GSE1: variants seen among roughly 807,000 people sequenced by gnomAD.
GSE1 encodes Gse1 coiled-coil protein, also known as genetic suppressor element 1.
Under a neutral mutation model 112.6 loss-of-function variants are expected in GSE1, and 32 were observed. That is an observed-to-expected ratio of 0.28 (90% CI 0.21 to 0.38). The LOEUF (loss-of-function observed/expected upper bound fraction) is 0.38, where lower values mean the gene tolerates loss of function less well. Ranked by LOEUF, GSE1 falls within the 10% of genes least tolerant of loss-of-function variation. The probability of loss-of-function intolerance (pLI) is 1.00; values close to 1 mark genes in which losing one functional copy is unlikely to be tolerated. For missense variants in GSE1, 2,348 were observed against 1,699.2 expected (o/e 1.38, Z -6.71); for synonymous variants, 1,115 against 735.6 (o/e 1.52, Z -8.35).
intron 2 of GSE1, among the ~76,000 whole-genome samples, chr16:85,445,368 G>T (rs780557938): frequency 6.6e-6 from 1 of 152,238 alleles, no homozygotes; most frequent in Non-Finnish European, 1.5e-5. Context: ...GTGAACATGG[G>T]GGGCGGGAGA....
At position 85,663,541 on chromosome 16, in the gene GSE1, T is replaced by G; in HGVS notation, c.2571T>G (p.Ser857Arg). ...ACAGCCCTGATGAGATGAACAACAG[T>G]CCCAACTTCGAAGAAAAGAAGAAGT... The part of the protein sequence containing the change: ...TRYSPDEMNN[S>R]PNFEEKKKFL... The change falls in exon 11 of 16, where the codon AGT becomes AGG. Residue 857 changes from serine to arginine, a missense_variant. Transcript: ENST00000253458. 6.2e-7 allele frequency: 1 copy of G among 1,612,654 alleles called. No homozygotes were observed. Among genetic ancestry groups the G allele is most frequent in the Non-Finnish European group, 8.5e-7 (1 of 1,179,814 alleles).
chr16:85,607,844 G>A (rs931934710), upstream of GSE1, among the ~76,000 whole-genome samples: 4 of 152,214 alleles, frequency 2.6e-5, no homozygotes, highest in African/African-American at 9.6e-5. Context: ...TTCCCTTGAG[G>A]CCCCCACTGC....
intron 7 of GSE1, 45 bp downstream of exon 7, chr16:85,656,710 C>A: frequency 3.4e-6 from 5 of 1,449,984 alleles, no homozygotes; most frequent in Non-Finnish European, 4.5e-6. Flanking sequence ...TCTCAGCCAC[C>A]CGCGGGGAGG....
At chr16:85,357,024 G>A (rs2046963998) in intron 1 of GSE1, among the ~76,000 whole-genome samples, 2 of 152,136 alleles carry the variant, frequency 1.3e-5, no homozygotes, top group African/African-American at 4.8e-5. Flanking sequence ...AGGCCCCAGG[G>A]GATCTCTGGG....
chr16:85,503,406 C>T (rs2051434951), intron 2 of GSE1, among the ~76,000 whole-genome samples: 1 of 152,200 alleles, frequency 6.6e-6, no homozygotes, highest in African/African-American at 2.4e-5. Context: ...CTCCTCCTCA[C>T]AAATCATGAC....
chr16:85,374,268 G>A (rs535711184), intron 2 of GSE1, among the ~76,000 whole-genome samples: 1 of 151,700 alleles, frequency 6.6e-6, no homozygotes. Context: ...TCGGTGTGCA[G>A]TGTGTGTCAG....
In GSE1 at chr16:85,268,201, ACT is replaced by A. The variant is rs575285563; in HGVS notation, c.2284-89257_2284-89256del. ...CCAGGGAAGGGGCCACAGCTCGTCT[ACT>A]CTCTGAGGCCCTGGTACTGGCACAA... On this transcript the variant is annotated intron_variant, in intron 1 of 2. Coordinates refer to the GSE1 transcript ENST00000637419. Among the ~76,000 whole-genome samples the A allele has an allele frequency of 8.0e-5, 12 of 150,708 alleles. No individual in the cohort carries two copies. The South Asian group carries it at 2.5e-3, about 32-fold the overall frequency.
chr16:85,292,926 T>C (rs1443041834), intron 1 of GSE1, among the ~76,000 whole-genome samples: 1 of 152,178 alleles, frequency 6.6e-6, no homozygotes, highest in Non-Finnish European at 1.5e-5. Flanking sequence ...GCAAATTAAA[T>C]TGCTTTATTT....
At chr16:85,512,886 G>A (rs760167738) in intron 2 of GSE1, among the ~76,000 whole-genome samples, 2 of 152,014 alleles carry the variant, frequency 1.3e-5, no homozygotes, top group Non-Finnish European at 2.9e-5. Flanking sequence ...GCTGGGCAGC[G>A]GTGCATCACC....
chr16:85,171,406 G>A (rs1041188888), exon 1 of GSE1: 1 of 985,558 alleles, frequency 1.0e-6, no homozygotes, highest in Non-Finnish European at 1.2e-6. Flanking sequence ...CTTCCTCACC[G>A]TGTACCCGCC....
At position 85,676,144 on chromosome 16, in the gene GSE1, A is replaced by C. The variant is rs2053661698; in HGVS notation, c.*3605A>C. ...TGTTGAATGTAGTAATTAGGTATTT[A>C]TGAATATATTGCTGTAATTTCTGAC... is the stretch of plus-strand genomic sequence containing the variant. On this transcript the variant is annotated 3_prime_UTR_variant, in exon 16 of 16. Transcript: ENST00000253458. 1 of 152,674 alleles carries C rather than the reference A, an allele frequency of 6.5e-6. No homozygotes were observed. Among genetic ancestry groups the C allele is most frequent in the African/African-American group, 2.4e-5 (1 of 41,456 alleles). The allele number at this position is 152,674 out of a possible 1,614,324, so 9.5% of individuals were successfully genotyped here.
In GSE1 at chr16:85,656,499, G is replaced by A. The variant is rs1316396941; in HGVS notation, c.1146G>A (p.Glu382=). ...AGCGTGAGCGTGAGAAGGAGCGCGA[G>A]CGCGAGCTGGAGCGCCAGCGGGAGC... ...EKEREREKER[E]RELERQREQR... Residue 382 remains glutamate (E), a synonymous_variant, in exon 7 of 16, where the codon GAG becomes GAA. Coordinates refer to ENST00000253458, the MANE Select transcript of GSE1 (RefSeq NM_014615.5). The A allele has an allele frequency of 6.5e-6, 10 of 1,547,846 alleles. No individual in the cohort carries two copies. Among genetic ancestry groups the A allele is most frequent in the South Asian group, 1.2e-5 (1 of 84,068 alleles).
chr16:85,224,911 C>T (rs1403704438), intron 1 of GSE1, among the ~76,000 whole-genome samples: 8 of 150,682 alleles, frequency 5.3e-5, no homozygotes, highest in East Asian at 3.9e-4. Context: ...GGGCAGATCA[C>T]GAGGTCAGGA....
At chr16:85,246,403 CTA>C (rs1491364962) in intron 1 of GSE1, among the ~76,000 whole-genome samples, 3 of 40,958 alleles carry the variant, frequency 7.3e-5, no homozygotes, top group African/African-American at 1.1e-4. Context: ...CACACGCTGT[CTA>C]CACACACACA....
intron 2 of GSE1, among the ~76,000 whole-genome samples, chr16:85,362,701 G>A (rs567222888): frequency 2.9e-4 from 44 of 152,352 alleles, no homozygotes; most frequent in African/African-American, 1.0e-3. Context: ...TGTGGTCTCT[G>A]TGAATGTGCT....
intron 2 of GSE1, among the ~76,000 whole-genome samples, chr16:85,425,512 G>GGGGCTGGT (rs1294206294): frequency 6.6e-6 from 1 of 152,288 alleles, no homozygotes; most frequent in Admixed American, 6.5e-5. Context: ...GTGGCAAAAA[G>GGGGCTGGT]GGGCTGGTCT....
At chr16:85,548,608 T>C (rs1041370202) in intron 2 of GSE1, among the ~76,000 whole-genome samples, 7 of 152,180 alleles carry the variant, frequency 4.6e-5, no homozygotes, top group Non-Finnish European at 8.8e-5. Context: ...TAGTATTCCA[T>C]TGCGTGTAGG....
At chr16:85,267,571 C>T (rs1189483026) in intron 1 of GSE1, among the ~76,000 whole-genome samples, 2 of 152,164 alleles carry the variant, frequency 1.3e-5, no homozygotes, top group African/African-American at 2.4e-5. Flanking sequence ...CATCTAGCTG[C>T]TCTCCCCCAG....
intron 2 of GSE1, among the ~76,000 whole-genome samples, chr16:85,366,467 T>C (rs1048010277): frequency 6.6e-6 from 1 of 152,270 alleles, no homozygotes; most frequent in East Asian, 1.9e-4. Context: ...GAACTTCTTG[T>C]AATGCCGGGA....
Sources: gnomAD v4.1 joint callset for allele counts (sites outside exome capture counted in the v4.1 genomes callset) on GRCh38, gnomAD v4.1.1 for gene constraint, MANE v1.5 for transcripts, NCBI Gene and HGNC (gene_info 2026-07-23, HGNC 2026-07-21) for gene names.